The following SLC4A4 variants were observed in gnomAD, a reference collection of about 807,000 sequenced individuals.
SLC4A4 encodes electrogenic sodium bicarbonate cotransporter 1.
SLC4A4 carries 27 observed loss-of-function variants against 111.5 expected under a neutral mutation model. The observed-to-expected ratio is 0.24, with a 90% CI of 0.18 to 0.33. The LOEUF is 0.33. SLC4A4 is among the 10% of genes least tolerant of loss of function. The pLI, the probability that SLC4A4 is intolerant of heterozygous loss-of-function variation, is 1.00. For missense variants in SLC4A4, 909 were observed against 1,315.5 expected (o/e 0.69, Z 4.78); for synonymous variants, 443 against 463.4 (o/e 0.96, Z 0.57).
intron 3 of SLC4A4, among the ~76,000 whole-genome samples, chr4:71,292,725 G>T (rs1724448134): frequency 6.6e-6 from 1 of 151,712 alleles, no homozygotes; most frequent in South Asian, 2.1e-4. Context: ...ATAATAAATA[G>T]GCGGGAAAAA....
chr4:71,202,189 A>G (rs1173473044), intron 1 of SLC4A4, among the ~76,000 whole-genome samples: 2 of 152,246 alleles, frequency 1.3e-5, no homozygotes, highest in African/African-American at 4.8e-5. Flanking sequence ...TTTCAGAATC[A>G]TTCATTTCCG....
intron 2 of SLC4A4, among the ~76,000 whole-genome samples, chr4:71,110,115 T>G (rs1743048244): frequency 6.6e-6 from 1 of 152,226 alleles, no homozygotes; most frequent in African/African-American, 2.4e-5. Flanking sequence ...ATTGCTGGAT[T>G]GTAATTACTG....
At chr4:71,136,584 A>G (rs115690500) in intron 2 of SLC4A4, among the ~76,000 whole-genome samples, 2 of 152,202 alleles carry the variant, frequency 1.3e-5, no homozygotes, top group African/African-American at 2.4e-5. Context: ...TTCAAGGATC[A>G]GTATACTGTA....
At chr4:71,545,212 C>T (rs1472365323) in intron 18 of SLC4A4, among the ~76,000 whole-genome samples, 1 of 151,944 alleles carries the variant, frequency 6.6e-6, no homozygotes, top group African/African-American at 2.4e-5. Flanking sequence ...GCTCCCTTGC[C>T]TGTGATGAGT....
At chr4:71,131,200 A>G (rs557339106) in intron 2 of SLC4A4, among the ~76,000 whole-genome samples, 15 of 152,296 alleles carry the variant, frequency 9.8e-5, no homozygotes, top group African/African-American at 3.6e-4. Context: ...TCTCTGTAGA[A>G]AGAAAAATTG....
chr4:71,542,898 T>A (rs1482689218), intron 18 of SLC4A4, among the ~76,000 whole-genome samples: 1 of 152,150 alleles, frequency 6.6e-6, no homozygotes, highest in Non-Finnish European at 1.5e-5. Context: ...TTAGCATTTA[T>A]TCATTTATCC....
chr4:71,419,045 C>G (rs1271204017), intron 7 of SLC4A4, among the ~76,000 whole-genome samples: 2 of 152,154 alleles, frequency 1.3e-5, no homozygotes, highest in East Asian at 1.9e-4. Flanking sequence ...CTGATCATTC[C>G]TCTGGAAGTT....
At chr4:71,284,460 T>A (rs1284193596) in intron 3 of SLC4A4, among the ~76,000 whole-genome samples, 1 of 152,262 alleles carries the variant, frequency 6.6e-6, no homozygotes, top group Non-Finnish European at 1.5e-5. Context: ...CCTGAGATTT[T>A]GACCCTTTGG....
intron 5 of SLC4A4, among the ~76,000 whole-genome samples, chr4:71,351,647 G>C (rs1010880875): frequency 6.6e-6 from 1 of 152,174 alleles, no homozygotes; most frequent in African/African-American, 2.4e-5. Context: ...TTGAGGTCAG[G>C]AGTTCGAGAC....
chr4:71,088,511 AC>A (rs1742268096), intron 1 of SLC4A4, among the ~76,000 whole-genome samples: 1 of 151,986 alleles, frequency 6.6e-6, no homozygotes, highest in Non-Finnish European at 1.5e-5. Flanking sequence ...AATGGTCTTT[AC>A]AATTTGGCAT....
At chr4:71,438,708 A>G (rs948291928) in intron 7 of SLC4A4, among the ~76,000 whole-genome samples, 7 of 152,210 alleles carry the variant, frequency 4.6e-5, no homozygotes, top group Admixed American at 4.6e-4. Context: ...CATTTATTCA[A>G]AATCAAATAT....
At chr4:71,416,823 A>G (rs975804458) in intron 7 of SLC4A4, among the ~76,000 whole-genome samples, 2 of 152,208 alleles carry the variant, frequency 1.3e-5, no homozygotes, top group African/African-American at 4.8e-5. Flanking sequence ...TCTGGAAGGA[A>G]TTCAGTGTAC....
At chr4:71,263,438 A>G (rs1320711645) in intron 3 of SLC4A4, among the ~76,000 whole-genome samples, 1 of 152,178 alleles carries the variant, frequency 6.6e-6, no homozygotes, top group East Asian at 1.9e-4. Flanking sequence ...CAGAGGCAAT[A>G]TTGCATGCTT....
intron 22 of SLC4A4, 54 bp from the exon 23 acceptor site, chr4:71,560,039 C>A: frequency 1.4e-6 from 2 of 1,386,196 alleles, no homozygotes; most frequent in South Asian, 1.2e-5. Context: ...TCTATGCTTG[C>A]TGTGACTTCA....
chr4:71,255,197 G>A, intron 2 of SLC4A4, 23 bp from the exon 3 acceptor site: 1 of 1,610,782 alleles, frequency 6.2e-7, no homozygotes, highest in Non-Finnish European at 8.5e-7. Context: ...TGAACTGACT[G>A]GTGATTTGTG....
At chr4:71,478,686 G>T (rs1204062358) in intron 14 of SLC4A4, among the ~76,000 whole-genome samples, 1 of 151,578 alleles carries the variant, frequency 6.6e-6, no homozygotes, top group Non-Finnish European at 1.5e-5. Context: ...AACCACCATG[G>T]CACATGTATA....
chr4:71,240,014 T>G (rs1486279312), intron 2 of SLC4A4, among the ~76,000 whole-genome samples: 1 of 152,184 alleles, frequency 6.6e-6, no homozygotes, highest in Admixed American at 6.5e-5. Context: ...GATCCATAAG[T>G]GTTGACCACG....
chr4:71,536,449 C>CATATATATAT (rs1560597622), intron 18 of SLC4A4, among the ~76,000 whole-genome samples: 5 of 4,848 alleles, frequency 1.0e-3, no homozygotes, highest in South Asian at 0.012. Flanking sequence ...AGCATATATA[C>CATATATATAT]ATATATACAT....
Position 71,440,568 on chromosome 4 carries a change from A to G in SLC4A4, c.808-48A>G. ...TCTCTGGAACTAATAGTAATTCCAC[A>G]GGAACCTTGTGGAACTAAATTGTGT... On this transcript the variant is annotated intron_variant, in intron 7 of 25. Coordinates refer to ENST00000264485, the MANE Select transcript of SLC4A4 (RefSeq NM_001098484.3). 2.5e-6 allele frequency: 4 copies of G among 1,610,476 alleles called. No individual in the cohort carries two copies. The South Asian group carries it at 3.3e-5, about 13-fold the overall frequency.
Sources: gnomAD v4.1 joint callset for allele counts (sites outside exome capture counted in the v4.1 genomes callset) on GRCh38, gnomAD v4.1.1 for gene constraint, MANE v1.5 for transcripts, NCBI Gene and HGNC (gene_info 2026-07-23, HGNC 2026-07-21) for gene names.